The following FBXL17 variants were observed in gnomAD, a reference collection of about 807,000 sequenced individuals.
FBXL17 encodes F-box/LRR-repeat protein 17.
In FBXL17, 22 loss-of-function variants were observed where a neutral mutation model predicts 66.2. That is an observed-to-expected ratio of 0.33 (90% CI 0.24 to 0.47). The LOEUF is 0.47. FBXL17 is among the 20% of genes least tolerant of loss of function. The pLI is 1.00. For missense variants in FBXL17, 878 were observed against 948.2 expected (o/e 0.93, Z 0.97); for synonymous variants, 474 against 400.5 (o/e 1.18, Z -2.19).
chr5:107,993,947 A>G (rs1244089894), intron 7 of FBXL17, among the ~76,000 whole-genome samples: 2 of 152,196 alleles, frequency 1.3e-5, no homozygotes, highest in Non-Finnish European at 2.9e-5. Context: ...TTCCCCTCAT[A>G]GTGTCCCTCT....
chr5:108,197,478 C>A (rs1053649606), intron 5 of FBXL17, among the ~76,000 whole-genome samples: 3 of 152,112 alleles, frequency 2.0e-5, no homozygotes, highest in African/African-American at 7.2e-5. Context: ...ATGGATCACA[C>A]TTCAAAGGGT....
chr5:108,280,073 C>A (rs1757643150), intron 4 of FBXL17, among the ~76,000 whole-genome samples: 1 of 152,074 alleles, frequency 6.6e-6, no homozygotes, highest in Admixed American at 6.6e-5. Context: ...TAATTGAAAA[C>A]TTCCCAAGTT....
At position 108,105,756 on chromosome 5, in the gene FBXL17, TAAC is replaced by T. The variant is rs1749771843; in HGVS notation, c.1745+80358_1745+80360del. On this transcript the variant is annotated intron_variant, in intron 6 of 8. Transcript: ENST00000542267. Reference sequence around the variant, plus strand: ...ACTTTTCTGCTGATACAACTAACTTTAACATTAACTACCCATTACAAAGACAGA... The same window carrying T: ...ACTTTTCTGCTGATACAACTAACTTTATTAACTACCCATTACAAAGACAGA... Among the ~76,000 whole-genome samples, 3 of 100,364 alleles carry T rather than the reference TAAC, an allele frequency of 3.0e-5. No homozygotes were observed. The South Asian group carries it at 1.8e-3, about 59-fold the overall frequency. 65.8% of individuals were successfully genotyped at this position (100,364 alleles called of 152,430 possible). A position where few individuals can be genotyped will look rare whatever the true frequency, so the allele number is the denominator to read the frequency against.
intron 7 of FBXL17, among the ~76,000 whole-genome samples, chr5:107,990,484 T>C (rs1223028706): frequency 6.6e-6 from 1 of 152,196 alleles, no homozygotes; most frequent in Non-Finnish European, 1.5e-5. Flanking sequence ...GAATTCTGGC[T>C]CCATGACTTA....
intron 7 of FBXL17, among the ~76,000 whole-genome samples, chr5:107,910,488 C>G (rs183392288): frequency 5.7e-4 from 87 of 152,064 alleles, no homozygotes; most frequent in African/African-American, 1.9e-3. Context: ...TGTAAGTATC[C>G]ATTAAAGCCA....
intron 4 of FBXL17, among the ~76,000 whole-genome samples, chr5:108,322,913 T>C (rs1405835669): frequency 6.6e-6 from 1 of 151,960 alleles, no homozygotes; most frequent in Non-Finnish European, 1.5e-5. Context: ...GTTCGGTTTA[T>C]AGCTAGAAAA....
intron 4 of FBXL17, among the ~76,000 whole-genome samples, chr5:108,272,350 G>C (rs1366873015): frequency 7.0e-6 from 1 of 142,526 alleles, no homozygotes; most frequent in Non-Finnish European, 1.6e-5. Context: ...ACAAACGTTA[G>C]CTATAATTTT....
intron 6 of FBXL17, among the ~76,000 whole-genome samples, chr5:108,123,874 C>G (rs1353279655): frequency 6.6e-6 from 1 of 152,122 alleles, no homozygotes; most frequent in African/African-American, 2.4e-5. Context: ...TAAGACACCA[C>G]TAACAAAATG....
At chr5:108,342,839 A>G (rs1284122828) in intron 4 of FBXL17, among the ~76,000 whole-genome samples, 1 of 152,222 alleles carries the variant, frequency 6.6e-6, no homozygotes, top group Non-Finnish European at 1.5e-5. Context: ...ATTTTCTATT[A>G]CCAGCAAATG....
At chr5:107,981,880 C>T (rs1399923040) in intron 7 of FBXL17, among the ~76,000 whole-genome samples, 4 of 152,228 alleles carry the variant, frequency 2.6e-5, no homozygotes, top group African/African-American at 7.2e-5. Context: ...CCCTTCATTA[C>T]GACTGAAAAC....
intron 5 of FBXL17, among the ~76,000 whole-genome samples, chr5:108,189,784 C>T (rs1487984530): frequency 2.6e-5 from 4 of 152,172 alleles, no homozygotes; most frequent in Non-Finnish European, 5.9e-5. Context: ...CTGCTTGGTC[C>T]TGAAGAACTA....
At chr5:108,306,626 T>TG (rs1276950752) in intron 4 of FBXL17, among the ~76,000 whole-genome samples, 1 of 152,080 alleles carries the variant, frequency 6.6e-6, no homozygotes, top group Non-Finnish European at 1.5e-5. Flanking sequence ...TGATAAATTG[T>TG]TTTCTAGCTT....
intron 4 of FBXL17, among the ~76,000 whole-genome samples, chr5:108,319,510 A>T (rs992555522): frequency 6.6e-6 from 1 of 151,862 alleles, no homozygotes; most frequent in Non-Finnish European, 1.5e-5. Flanking sequence ...AAAACATTTG[A>T]AATAATATGA....
At chr5:108,262,348 T>C (rs1472278461) in intron 4 of FBXL17, among the ~76,000 whole-genome samples, 2 of 152,108 alleles carry the variant, frequency 1.3e-5, no homozygotes, top group African/African-American at 2.4e-5. Context: ...AAGATAAATA[T>C]ATATTTTTAA....
intron 1 of FBXL17, among the ~76,000 whole-genome samples, chr5:108,368,650 C>T (rs947994415): frequency 2.0e-5 from 3 of 151,892 alleles, no homozygotes; most frequent in Admixed American, 2.0e-4. Context: ...GATCCTGGGA[C>T]AGAAAAAGAC....
At chr5:108,000,764 T>C (rs1025594094) in intron 7 of FBXL17, among the ~76,000 whole-genome samples, 1 of 152,224 alleles carries the variant, frequency 6.6e-6, no homozygotes, top group African/African-American at 2.4e-5. Flanking sequence ...TGTTAAATGA[T>C]TGGTTAAAAG....
At chr5:108,358,292 G>A (rs1053174913) in intron 3 of FBXL17, among the ~76,000 whole-genome samples, 1 of 152,070 alleles carries the variant, frequency 6.6e-6, no homozygotes, top group African/African-American at 2.4e-5. Context: ...TTTTATCACT[G>A]AATATGTCAG....
chr5:107,931,912 A>G (rs1342183034), intron 7 of FBXL17, among the ~76,000 whole-genome samples: 1 of 152,198 alleles, frequency 6.6e-6, no homozygotes, highest in African/African-American at 2.4e-5. Context: ...CTTTCCAATT[A>G]ATAAGCCTCA....
intron 7 of FBXL17, among the ~76,000 whole-genome samples, chr5:107,928,201 G>A (rs1446491503): frequency 6.6e-6 from 1 of 151,980 alleles, no homozygotes; most frequent in African/African-American, 2.4e-5. Context: ...AGAAAAAATA[G>A]GACTCCTATG....
Sources: allele counts gnomAD v4.1 joint callset (sites outside exome capture counted in the v4.1 genomes callset), GRCh38; gene constraint gnomAD v4.1.1; transcripts MANE v1.5; gene names NCBI Gene and HGNC (gene_info 2026-07-23, HGNC 2026-07-21).